FSD1L: variants seen among roughly 807,000 people sequenced by gnomAD.
The protein encoded by FSD1L is fibronectin type III and SPRY domain containing 1 like.
A neutral mutation model predicts 71.6 loss-of-function variants in FSD1L; 45 were observed. The observed-to-expected ratio is 0.63, with a 90% CI of 0.49 to 0.81. The LOEUF (loss-of-function observed/expected upper bound fraction) is 0.81. Among genes scored for constraint, FSD1L ranks in the 30% least tolerant of loss-of-function variants. The pLI is 0.00. For missense variants in FSD1L, 561 were observed against 618.1 expected (o/e 0.91, Z 0.98); for synonymous variants, 197 against 207.2 (o/e 0.95, Z 0.42).
At chr9:105,493,725 G>T (rs940547101) in intron 7 of FSD1L, among the ~76,000 whole-genome samples, 3 of 152,046 alleles carry the variant, frequency 2.0e-5, no homozygotes, top group East Asian at 1.9e-4. Context: ...GCATTTGCTT[G>T]TCTGTAAAGT....
At chr9:105,490,988 G>A (rs891472936) in intron 7 of FSD1L, among the ~76,000 whole-genome samples, 3 of 149,178 alleles carry the variant, frequency 2.0e-5, no homozygotes, top group East Asian at 1.9e-4. Flanking sequence ...TGGCGATGTG[G>A]GCTCTTTTTT....
intron 10 of FSD1L, chr9:105,522,844 G>T: frequency 6.2e-7 from 1 of 1,610,714 alleles, no homozygotes; most frequent in African/African-American, 1.3e-5. Flanking sequence ...AGTCCAGGCA[G>T]CCTGGAAATT....
At chr9:105,465,762 A>G (rs1831022331) in intron 3 of FSD1L, among the ~76,000 whole-genome samples, 1 of 152,248 alleles carries the variant, frequency 6.6e-6, no homozygotes, top group Non-Finnish European at 1.5e-5. Context: ...ACCACAACAC[A>G]GTAAAGGCCA....
intron 6 of FSD1L, among the ~76,000 whole-genome samples, chr9:105,482,952 T>C (rs1832309186): frequency 2.0e-5 from 3 of 152,184 alleles, no homozygotes; most frequent in Admixed American, 2.0e-4. Context: ...TCAGTGAGCA[T>C]TTAGTAAGTA....
Position 105,546,481 on chromosome 9 carries a change from T to C in FSD1L, c.1591T>C (p.Ter531GlnextTer21). 1 of 1,544,226 alleles carries C rather than the reference T, an allele frequency of 6.5e-7. No homozygotes were observed. Among genetic ancestry groups the C allele is most frequent in the Non-Finnish European group, 8.7e-7 (1 of 1,144,132 alleles). ...CAGCCTGAACAATGTTGTTACTCAA[T>C]AGTGTCTACTCAGAATACGTTTACC... ...ASSLNNVVTQ[*>Q] Residue 531 changes from the stop codon to glutamine (Q), a stop_lost, in exon 14 of 14, where the codon TAG becomes CAG. Coordinates refer to ENST00000481272, the MANE Select transcript of FSD1L (RefSeq NM_001145313.3).
intron 4 of FSD1L, among the ~76,000 whole-genome samples, chr9:105,470,223 TTG>T (rs1232461330): frequency 6.6e-6 from 1 of 152,170 alleles, no homozygotes; most frequent in African/African-American, 2.4e-5. Context: ...TCTTTCAAAA[TTG>T]TGCAATTCAG....
chr9:105,451,828 G>C (rs1259440655), intron 1 of FSD1L, among the ~76,000 whole-genome samples: 3 of 152,120 alleles, frequency 2.0e-5, no homozygotes, highest in Non-Finnish European at 4.4e-5. Flanking sequence ...TAGAATCTTG[G>C]AGCTTGGAAT....
chr9:105,492,588 T>A (rs1833028855), intron 7 of FSD1L, among the ~76,000 whole-genome samples: 1 of 152,158 alleles, frequency 6.6e-6, no homozygotes, highest in African/African-American at 2.4e-5. Flanking sequence ...TTAATTGTGA[T>A]GTTAGGGTGT....
At chr9:105,471,714 AT>A (rs200515514) in intron 4 of FSD1L, among the ~76,000 whole-genome samples, 189 bp from the exon 5 acceptor site, 1,363 of 128,006 alleles carry the variant, frequency 0.011, 24 homozygotes, top group African/African-American at 0.036. Flanking sequence ...TATAAAAAAA[AT>A]AACACGTTTT....
chr9:105,498,223 A>ATTATTATTATTATTATTGTTG (rs770554725), intron 7 of FSD1L, among the ~76,000 whole-genome samples: 1 of 147,168 alleles, frequency 6.8e-6, no homozygotes, highest in Non-Finnish European at 1.5e-5. Context: ...TATTATTATT[A>ATTATTATTATTATTATTGTTG]TTGTTTTTAG....
chr9:105,522,502 T>C, intron 10 of FSD1L: 2 of 1,613,818 alleles, frequency 1.2e-6, no homozygotes, highest in Non-Finnish European at 1.7e-6. Flanking sequence ...AGGAGTATAG[T>C]ACGGCAAAAA....
intron 5 of FSD1L, 92 bp downstream of exon 5, chr9:105,472,097 G>A: frequency 7.6e-7 from 1 of 1,319,800 alleles, no homozygotes; most frequent in East Asian, 3.1e-5. Context: ...TTTCTTTACT[G>A]ATTTCTAATA....
chr9:105,521,287 C>T, intron 10 of FSD1L: 8 of 1,614,148 alleles, frequency 5.0e-6, no homozygotes, highest in Non-Finnish European at 6.8e-6. Context: ...AGTTTAGTAT[C>T]CAGAGAAGAA....
intron 7 of FSD1L, among the ~76,000 whole-genome samples, chr9:105,490,515 T>C (rs1458964445): frequency 1.3e-5 from 2 of 151,586 alleles, no homozygotes; most frequent in East Asian, 3.9e-4. Context: ...TTTAATTAGA[T>C]CCCAGTTGTC....
chr9:105,499,904 T>G (rs547721196), intron 7 of FSD1L, among the ~76,000 whole-genome samples: 52 of 152,322 alleles, frequency 3.4e-4, no homozygotes, highest in African/African-American at 1.3e-3. Flanking sequence ...CTGTTTCATC[T>G]TGCAGGTTTC....
intron 7 of FSD1L, among the ~76,000 whole-genome samples, chr9:105,495,318 A>G (rs565852124): frequency 5.2e-4 from 79 of 152,066 alleles, no homozygotes; most frequent in African/African-American, 1.6e-3. Context: ...TGCGGGATAT[A>G]ATCTCCTGGT....
chr9:105,474,438 C>T (rs1831664573), intron 5 of FSD1L, among the ~76,000 whole-genome samples: 1 of 152,140 alleles, frequency 6.6e-6, no homozygotes, highest in African/African-American at 2.4e-5. Context: ...GAGCTGCTTG[C>T]AATTATTTTC....
At chr9:105,516,978 T>C (rs1193594132) in intron 10 of FSD1L, among the ~76,000 whole-genome samples, 1 of 152,084 alleles carries the variant, frequency 6.6e-6, no homozygotes, top group African/African-American at 2.4e-5. Context: ...GAGAAGAATA[T>C]AAATGACCCG....
intron 1 of FSD1L, among the ~76,000 whole-genome samples, chr9:105,461,036 TCC>T (rs1830659313): frequency 1.3e-5 from 2 of 152,230 alleles, no homozygotes; most frequent in Non-Finnish European, 2.9e-5. Flanking sequence ...TTAACTTATA[TCC>T]ACATATAGCT....
Sources: gnomAD v4.1 joint callset for allele counts (sites outside exome capture counted in the v4.1 genomes callset) on GRCh38, gnomAD v4.1.1 for gene constraint, MANE v1.5 for transcripts, NCBI Gene and HGNC (gene_info 2026-07-23, HGNC 2026-07-21) for gene names.